Variants in PDZK1 observed in about 807,000 individuals in gnomAD.
PDZK1 encodes the protein Na(+)/H(+) exchange regulatory cofactor NHE-RF3.
Under a neutral mutation model 38.1 loss-of-function variants are expected in PDZK1, and 23 were observed. The ratio of observed to expected loss-of-function variants is 0.60; its 90% CI spans 0.43 to 0.85. The LOEUF (loss-of-function observed/expected upper bound fraction) is 0.85. Among genes scored for constraint, PDZK1 ranks in the 40% least tolerant of loss-of-function variants. PDZK1 has a pLI of 0.00. For synonymous variants in PDZK1, 98 were observed against 186.2 expected (o/e 0.53, Z 3.86); for missense variants, 297 against 504.3 (o/e 0.59, Z 3.94).
chr1:145,691,532 G>A (rs1553703179), intron 1 of PDZK1, among the ~76,000 whole-genome samples: 1 of 152,154 alleles, frequency 6.6e-6, no homozygotes, highest in African/African-American at 2.4e-5. Flanking sequence ...AAAATCTAGA[G>A]ATCAGACCCC....
intron 1 of PDZK1, among the ~76,000 whole-genome samples, chr1:145,693,083 C>A (rs1170552769): frequency 1.3e-5 from 2 of 152,248 alleles, no homozygotes; most frequent in South Asian, 2.1e-4. Flanking sequence ...TAAGTAAATT[C>A]TTCTTCTGAA....
Position 145,680,906 on chromosome 1 carries a change from C to G in PDZK1, c.793+6G>C. ...TACTGCCAAGTTTCCTGCTCTTGTA[C>G]CTTACCTTTCTGTTCTGAGCCTGCC... On this transcript the variant is annotated splice_donor_region_variant and intron_variant, in intron 5 of 8. Transcript: ENST00000417171. 3.9e-6 allele frequency: 2 copies of G among 512,536 alleles called. No homozygotes were observed. The highest frequency in any genetic ancestry group is 3.4e-6 in the Non-Finnish European group (1 of 294,708). The allele number at this position is 512,536 out of a possible 1,614,324, so 31.7% of individuals were successfully genotyped here. A position where few individuals can be genotyped will look rare whatever the true frequency, so the allele number is the denominator to read the frequency against.
intron 3 of PDZK1, among the ~76,000 whole-genome samples, chr1:145,683,228 T>G (rs1654434757): frequency 6.6e-6 from 1 of 152,252 alleles, no homozygotes; most frequent in Non-Finnish European, 1.5e-5. Flanking sequence ...GTCCTGGCAC[T>G]GAACTTGACA....
At chr1:145,687,479 C>T (rs1476562317) in intron 2 of PDZK1, among the ~76,000 whole-genome samples, 2 of 139,516 alleles carry the variant, frequency 1.4e-5, no homozygotes, top group African/African-American at 2.8e-5. Context: ...GAACCGAGAT[C>T]GCACCACTGC....
At position 145,687,820 on chromosome 1, in the gene PDZK1, GTTC is replaced by G. The variant is rs782628800; in HGVS notation, c.199_201del (p.Glu67del). 8 of 1,612,026 alleles carry G rather than the reference GTTC, an allele frequency of 5.0e-6. No individual in the cohort carries two copies. Among genetic ancestry groups the G allele is most frequent in the East Asian group, 2.2e-5 (1 of 44,882 alleles). On this transcript the variant is annotated inframe_deletion, in exon 2 of 9. Transcript: ENST00000417171. ...CCAAATGTCTCATTCACCTGCATAT[GTTC>G]TTCTTTGTCCACAAAGACACCATTG...
chr1:145,704,122 C>G (rs930612736), intron 1 of PDZK1, among the ~76,000 whole-genome samples: 52 of 152,198 alleles, frequency 3.4e-4, no homozygotes, highest in Non-Finnish European at 6.5e-4. Flanking sequence ...AGCCATCATG[C>G]CCAGCCAAGA....
intron 1 of PDZK1, among the ~76,000 whole-genome samples, chr1:145,693,677 G>A (rs1482693986): frequency 1.3e-5 from 2 of 152,008 alleles, no homozygotes; most frequent in African/African-American, 4.8e-5. Flanking sequence ...GGGAGGCTGA[G>A]GCAGGAGAAT....
At position 145,672,804 on chromosome 1, in the gene PDZK1, G is replaced by A. The variant is rs781923568; in HGVS notation, c.1432C>T (p.Leu478Phe). ...IPIVSSLADP[L>F]DTPPDSKEGI... is the part of the protein sequence containing the mutation. ...TCTTTAGAATCTGGAGGGGTGTCAAGTGGATCAGCCAGGGAGGAAACAATA... is the reference window on the plus strand; with the variant it reads ...TCTTTAGAATCTGGAGGGGTGTCAAATGGATCAGCCAGGGAGGAAACAATA... The change falls in exon 8 of 9, where the codon CTT (leucine) becomes TTT (phenylalanine). Residue 478 changes from leucine to phenylalanine, a missense_variant. By Grantham distance (22) the Leu-to-Phe change is conservative (BLOSUM62 0). This residue lies in a region of PDZK1 where 54 missense variants were observed against 72.1 expected (regional missense o/e 0.75). Transcript: ENST00000417171. 2.5e-6 allele frequency: 4 copies of A among 1,611,832 alleles called. No individual in the cohort carries two copies. In the East Asian group the frequency reaches 8.9e-5, roughly 36 times the overall value.
At chr1:145,673,163 G>A in intron 7 of PDZK1, 143 bp from the exon 8 acceptor site, 2 of 617,416 alleles carry the variant, frequency 3.2e-6, no homozygotes, top group East Asian at 2.7e-5. Context: ...AGTTGAGAAA[G>A]GTGTTCTAAT....
At chr1:145,703,220 A>G (rs587727151) in intron 1 of PDZK1, among the ~76,000 whole-genome samples, 1 of 152,296 alleles carries the variant, frequency 6.6e-6, no homozygotes, top group South Asian at 2.1e-4. Flanking sequence ...AACAAGTTCT[A>G]TGTAATACCT....
chr1:145,702,192 G>T (rs145552411), intron 1 of PDZK1, among the ~76,000 whole-genome samples: 234 of 152,006 alleles, frequency 1.5e-3, no homozygotes, highest in African/African-American at 5.4e-3. Flanking sequence ...AAGTTCATTT[G>T]GCCTGCTGAT....
intron 1 of PDZK1, 143 bp from the exon 2 acceptor site, chr1:145,688,166 G>GAC: frequency 1.4e-6 from 1 of 721,912 alleles, no homozygotes. Flanking sequence ...GGCACAGGAG[G>GAC]ACACCTTCCA....
intron 8 of PDZK1, among the ~76,000 whole-genome samples, chr1:145,672,361 G>A (rs1350291975): frequency 1.3e-5 from 2 of 149,726 alleles, no homozygotes; most frequent in Non-Finnish European, 3.0e-5. Context: ...TTTATGGGTG[G>A]GAAAACTGAG....
intron 1 of PDZK1, among the ~76,000 whole-genome samples, chr1:145,704,029 A>C (rs1237970427): frequency 2.0e-5 from 3 of 152,038 alleles, no homozygotes; most frequent in African/African-American, 4.8e-5. Flanking sequence ...GGGTTTCACT[A>C]TGTTGGCCAG....
Position 145,671,507 on chromosome 1 carries a change from A to G in PDZK1, c.1507-18T>C, listed in dbSNP as rs782451895. 4 of 1,472,494 alleles carry G rather than the reference A, an allele frequency of 2.7e-6. No homozygotes were observed. The highest frequency in any genetic ancestry group is 1.4e-5 in the African/African-American group (1 of 71,956). 91.2% of individuals were successfully genotyped at this position (1,472,494 alleles called of 1,614,324 possible). ...CTGTGGGCCTGTGTATAAGAAAACA[A>G]AGAATTTACAAATGGTAGAGTAATG... On this transcript the variant is annotated intron_variant, in intron 8 of 8. Transcript: ENST00000417171.
In PDZK1 at chr1:145,696,539, T is replaced by C. The variant is rs587661587; in HGVS notation, c.-2-8516A>G. Among the ~76,000 whole-genome samples the C allele has an allele frequency of 2.6e-5, 4 of 152,256 alleles. No homozygotes were observed. The East Asian group carries it at 7.7e-4, about 29-fold the overall frequency. On this transcript the variant is annotated intron_variant, in intron 1 of 8. Transcript: ENST00000417171. Reference sequence around the variant, plus strand: ...AGAGGAAGAGACATCAGAGAGGCACTTGCACAGAGAATAAAGCCATGTGAG... The same window carrying C: ...AGAGGAAGAGACATCAGAGAGGCACCTGCACAGAGAATAAAGCCATGTGAG...
At chr1:145,698,177 A>G (rs1384607168) in intron 1 of PDZK1, among the ~76,000 whole-genome samples, 3 of 152,146 alleles carry the variant, frequency 2.0e-5, no homozygotes, top group African/African-American at 7.2e-5. Flanking sequence ...AATAATCTCT[A>G]GGGTCAAACA....
intron 1 of PDZK1, among the ~76,000 whole-genome samples, chr1:145,705,790 AC>A (rs1185408947): frequency 6.6e-6 from 1 of 152,158 alleles, no homozygotes; most frequent in Non-Finnish European, 1.5e-5. Context: ...TCAGTCTGTC[AC>A]CCAGGCTGGA....
rs1337364194 is a variant in PDZK1, at chr1:145,671,135, A to AAGAG, written c.*297_*300dup. 6 of 550,618 alleles carry AAGAG rather than the reference A, an allele frequency of 1.1e-5. No homozygotes were observed. The Admixed American group carries it at 2.4e-4, about 22-fold the overall frequency. The allele number at this position is 550,618 out of a possible 1,614,324, so 34.1% of individuals were successfully genotyped here. A position where few individuals can be genotyped will look rare whatever the true frequency, so the allele number is the denominator to read the frequency against. ...TGGTGCTCAAGGAACCTGTAGAAGT[A>AAGAG]AGAGACATCATCATACAGAGAAATG... On this transcript the variant is annotated 3_prime_UTR_variant, in exon 9 of 9. Coordinates refer to ENST00000417171, the MANE Select transcript of PDZK1 (RefSeq NM_001201325.2).
Sources: allele counts gnomAD v4.1 joint callset (sites outside exome capture counted in the v4.1 genomes callset), GRCh38; gene constraint gnomAD v4.1.1; regional missense constraint gnomAD v4.1.1; transcripts MANE v1.5; gene names NCBI Gene and HGNC (gene_info 2026-07-23, HGNC 2026-07-21).